Variants in OPCML observed in about 807,000 individuals in gnomAD.
The protein encoded by OPCML is opioid-binding protein/cell adhesion molecule.
A neutral mutation model predicts 37.8 loss-of-function variants in OPCML; 13 were observed. The ratio of observed to expected loss-of-function variants is 0.34; its 90% CI spans 0.22 to 0.55. The LOEUF (loss-of-function observed/expected upper bound fraction) is 0.55, where lower values mean the gene tolerates loss of function less well. OPCML is among the 20% of genes least tolerant of loss of function. The pLI is 0.91. For missense variants in OPCML, 341 were observed against 435.6 expected, an observed-to-expected ratio of 0.78 and a Z score of 1.93; for synonymous variants, 176 against 168.8, an observed-to-expected ratio of 1.04 and a Z score of -0.33.
intron 3 of OPCML, among the ~76,000 whole-genome samples, chr11:132,584,294 T>A (rs1271161784): frequency 6.6e-6 from 1 of 152,092 alleles, no homozygotes; most frequent in East Asian, 1.9e-4. Flanking sequence ...CTACTTAAAT[T>A]TAAAGCATTT....
At chr11:133,004,235 C>T (rs1399120938) in intron 1 of OPCML, 2 of 985,324 alleles carry the variant, frequency 2.0e-6, no homozygotes, top group East Asian at 1.1e-4. Context: ...TTGCCAGTGC[C>T]CCTGGGGACG....
intron 1 of OPCML, among the ~76,000 whole-genome samples, chr11:133,440,763 T>C (rs1169808040): frequency 9.5e-6 from 1 of 104,910 alleles, no homozygotes; most frequent in Non-Finnish European, 1.6e-5. Flanking sequence ...CTACAGCAAT[T>C]ATATATATAT....
At chr11:133,160,849 C>T (rs1268519992) in intron 1 of OPCML, among the ~76,000 whole-genome samples, 2 of 152,282 alleles carry the variant, frequency 1.3e-5, no homozygotes, top group African/African-American at 4.8e-5. Flanking sequence ...GAGAGATCTG[C>T]TGAGGGATGG....
chr11:132,420,670 G>T (rs780209687), intron 7 of OPCML, among the ~76,000 whole-genome samples: 2 of 152,186 alleles, frequency 1.3e-5, no homozygotes, highest in Non-Finnish European at 2.9e-5. Flanking sequence ...ACAATGATGA[G>T]TCGGGGGGCA....
intron 1 of OPCML, among the ~76,000 whole-genome samples, chr11:133,068,316 T>C (rs1046391198): frequency 2.0e-5 from 3 of 152,244 alleles, no homozygotes; most frequent in Non-Finnish European, 2.9e-5. Flanking sequence ...CTCTGCTTTT[T>C]TTCCTTAATA....
At chr11:133,532,220 A>G (rs768150309) in intron 1 of OPCML, 44 bp downstream of exon 1, 4 of 1,604,412 alleles carry the variant, frequency 2.5e-6, no homozygotes, top group Non-Finnish European at 3.4e-6. Context: ...CTCACGTCGT[A>G]CAATCACCCC....
intron 2 of OPCML, among the ~76,000 whole-genome samples, chr11:132,729,323 C>T (rs1260498945): frequency 2.0e-5 from 3 of 152,104 alleles, no homozygotes; most frequent in Non-Finnish European, 4.4e-5. Context: ...TCTTAAAATG[C>T]ACATTCAGCT....
chr11:133,022,286 T>C (rs542307288), intron 1 of OPCML, among the ~76,000 whole-genome samples: 3 of 152,346 alleles, frequency 2.0e-5, no homozygotes, highest in Admixed American at 1.3e-4. Flanking sequence ...GAAGGGAAAC[T>C]TGATGGATGA....
intron 2 of OPCML, among the ~76,000 whole-genome samples, chr11:132,720,510 G>A (rs1372707303): frequency 2.0e-5 from 3 of 152,210 alleles, no homozygotes; most frequent in African/African-American, 7.2e-5. Flanking sequence ...GCCAAAAAGA[G>A]GCTGTCAATT....
At chr11:133,351,865 C>T (rs1465898273) in intron 1 of OPCML, among the ~76,000 whole-genome samples, 2 of 152,100 alleles carry the variant, frequency 1.3e-5, no homozygotes, top group Non-Finnish European at 1.5e-5. Context: ...TCTTAGCAAA[C>T]GACACTACCA....
At chr11:132,648,076 C>A (rs890359997) in intron 3 of OPCML, among the ~76,000 whole-genome samples, 4 of 152,164 alleles carry the variant, frequency 2.6e-5, no homozygotes, top group Non-Finnish European at 5.9e-5. Flanking sequence ...TCTGTGTACA[C>A]CTGCTATGTG....
intron 1 of OPCML, chr11:133,420,883 G>A (rs1271135241): frequency 6.1e-6 from 6 of 985,242 alleles, no homozygotes; most frequent in African/African-American, 1.7e-5. Flanking sequence ...TTATATGAGC[G>A]TCTCATGAGC....
chr11:132,441,940 C>G (rs2096037175), intron 4 of OPCML, among the ~76,000 whole-genome samples: 1 of 152,152 alleles, frequency 6.6e-6, no homozygotes, highest in Non-Finnish European at 1.5e-5. Context: ...GAGCATGAAA[C>G]ATCCACAAGC....
At chr11:132,921,042 A>G (rs1305522367) in intron 2 of OPCML, among the ~76,000 whole-genome samples, 3 of 152,100 alleles carry the variant, frequency 2.0e-5, no homozygotes, top group African/African-American at 7.2e-5. Flanking sequence ...TCCCCGCCAC[A>G]TGCTGGCCTT....
chr11:132,520,318 G>A (rs1165468176), intron 4 of OPCML, among the ~76,000 whole-genome samples: 2 of 152,144 alleles, frequency 1.3e-5, no homozygotes, highest in Non-Finnish European at 2.9e-5. Context: ...TTTTCATAAA[G>A]CTACCATTTT....
chr11:133,519,890 A>G (rs1001818070), intron 1 of OPCML, among the ~76,000 whole-genome samples: 7 of 152,228 alleles, frequency 4.6e-5, no homozygotes, highest in Admixed American at 2.6e-4. Context: ...GACCACATCA[A>G]CATAGCTTCT....
At chr11:132,678,983 G>A (rs750306102) in intron 2 of OPCML, among the ~76,000 whole-genome samples, 1 of 152,138 alleles carries the variant, frequency 6.6e-6, no homozygotes, top group Non-Finnish European at 1.5e-5. Flanking sequence ...CAGGGGATGT[G>A]TGGGGACTCT....
intron 2 of OPCML, among the ~76,000 whole-genome samples, chr11:132,782,218 C>T (rs1477005214): frequency 1.3e-5 from 2 of 151,924 alleles, no homozygotes; most frequent in East Asian, 1.9e-4. Context: ...GCGAACGCAC[C>T]GAGACTTAAG....
At chr11:133,329,889 G>C (rs1358225626) in intron 1 of OPCML, among the ~76,000 whole-genome samples, 2 of 152,144 alleles carry the variant, frequency 1.3e-5, no homozygotes, top group Non-Finnish European at 2.9e-5. Flanking sequence ...ACTACCATCA[G>C]AGTGAACAGG....
Sources: gnomAD v4.1 joint callset for allele counts (sites outside exome capture counted in the v4.1 genomes callset) on GRCh38, gnomAD v4.1.1 for gene constraint, MANE v1.5 for transcripts, NCBI Gene and HGNC (gene_info 2026-07-23, HGNC 2026-07-21) for gene names.